Variants in ZNF652 observed in about 807,000 individuals in gnomAD.
ZNF652 encodes zinc finger protein 652.
A neutral mutation model predicts 45.2 loss-of-function variants in ZNF652; 16 were observed. The observed-to-expected ratio is 0.35, with a 90% CI of 0.24 to 0.54. The LOEUF is 0.54. ZNF652 is among the 20% of genes least tolerant of loss of function. The pLI is 0.91. For synonymous variants in ZNF652, 250 were observed against 260.6 expected (o/e 0.96, Z 0.39); for missense variants, 614 against 765.6 (o/e 0.80, Z 2.34).
At chr17:49,336,025 CTT>C (rs57525059) in intron 1 of ZNF652, among the ~76,000 whole-genome samples, 1 of 146,716 alleles carries the variant, frequency 6.8e-6, no homozygotes. Flanking sequence ...GTTACCTTTA[CTT>C]TTTTTTTTTT....
chr17:49,320,935 C>T (rs770540391), intron 1 of ZNF652, among the ~76,000 whole-genome samples: 2 of 152,130 alleles, frequency 1.3e-5, no homozygotes, highest in South Asian at 2.1e-4. Context: ...ACTGCAACCA[C>T]GCCTCTTGGG....
At chr17:49,355,823 G>A (rs57080166) in intron 1 of ZNF652, among the ~76,000 whole-genome samples, 2,469 of 152,056 alleles carry the variant, frequency 0.016, 59 homozygotes, top group African/African-American at 0.057. Flanking sequence ...GCCTGAACCC[G>A]GGAGGCGGAG....
At chr17:49,310,177 T>C (rs762849952) in intron 5 of ZNF652, among the ~76,000 whole-genome samples, 127 of 152,152 alleles carry the variant, frequency 8.3e-4, no homozygotes, top group Non-Finnish European at 1.7e-3. Context: ...ATGGTCTCGA[T>C]CTCCTGACCT....
At position 49,324,330 on chromosome 17, in the gene ZNF652, T is replaced by C. The variant is rs149469395; in HGVS notation, c.-258-6347A>G. 1.2e-3 allele frequency among the ~76,000 whole-genome samples: 185 copies of C among 152,366 alleles called. 1 individual carries two copies. The highest frequency in any genetic ancestry group is 2.7e-3 in the South Asian group (13 of 4,830). On this transcript the variant is annotated intron_variant, in intron 1 of 5. Transcript: ENST00000430262. ...GGCCTAAAGGAATGTTGTGTTTGGC[T>C]TGATCTTCCATCCAGACCACTAAAC...
At chr17:49,314,825 T>C (rs1225428102) in intron 2 of ZNF652, among the ~76,000 whole-genome samples, 1 of 152,108 alleles carries the variant, frequency 6.6e-6, no homozygotes, top group East Asian at 1.9e-4. Context: ...GGTTGGAAAA[T>C]GCTCTAGAAA....
intron 1 of ZNF652, among the ~76,000 whole-genome samples, chr17:49,336,942 GTTT>G (rs200178711): frequency 0.24 from 28,054 of 115,086 alleles, 3,442 homozygotes; most frequent in South Asian, 0.34. Context: ...TCTTAATGGT[GTTT>G]TTTTTTTTTT....
At chr17:49,331,124 T>TC (rs1381008448) in intron 1 of ZNF652, among the ~76,000 whole-genome samples, 1 of 146,298 alleles carries the variant, frequency 6.8e-6, no homozygotes, top group Non-Finnish European at 1.5e-5. Context: ...AATGTGTCTT[T>TC]TTTTTTTTTT....
At position 49,296,605 on chromosome 17, in the gene ZNF652, C is replaced by T. The variant is rs1218511031; in HGVS notation, c.*1808G>A. ...AATGGACTGGGCATGGTAGCATGCA[C>T]CTGTAGTCCCAGCTACTTGGTTAGC... On this transcript the variant is annotated 3_prime_UTR_variant, in exon 6 of 6. Coordinates refer to ENST00000430262, the MANE Select transcript of ZNF652 (RefSeq NM_001145365.3). 1 of 152,042 alleles carries T rather than the reference C, an allele frequency of 6.6e-6. No homozygotes were observed. The highest frequency in any genetic ancestry group is 1.5e-5 in the Non-Finnish European group (1 of 68,004). 9.4% of individuals were successfully genotyped at this position (152,042 alleles called of 1,614,324 possible). A position where few individuals can be genotyped will look rare whatever the true frequency, so the allele number is the denominator to read the frequency against.
intron 5 of ZNF652, among the ~76,000 whole-genome samples, chr17:49,311,033 C>CAATTTCAGGAGTTTCTGAACCCCACGTA (rs1598290221): frequency 1.3e-5 from 2 of 152,202 alleles, no homozygotes; most frequent in East Asian, 3.9e-4. Context: ...AAGTTTCATA[C>CAATTTCAGGAGTTTCTGAACCCCACGTA]AATTTCAGGA....
In ZNF652 at chr17:49,311,376, G is replaced by A. The variant is rs201250378; in HGVS notation, c.1245C>T (p.Cys415=). The change falls in exon 5 of 6, where the codon TGC becomes TGT. Residue 415 remains cysteine (C), a synonymous_variant. Transcript: ENST00000430262. Reference sequence around the variant, plus strand: ...TGTTGAAATCCTTGCCACACCACTGGCACATGAACTGTTTGTGCCCAATAT... The same window carrying A: ...TGTTGAAATCCTTGCCACACCACTGACACATGAACTGTTTGTGCCCAATAT... ...SIHIGHKQFM[C]QWCGKDFNMK... 15 of 1,613,992 alleles carry A rather than the reference G, an allele frequency of 9.3e-6. No homozygotes were observed. The Admixed American group carries it at 2.0e-4, about 22-fold the overall frequency.
intron 1 of ZNF652, among the ~76,000 whole-genome samples, chr17:49,328,505 G>A (rs2069990754): frequency 6.6e-6 from 1 of 152,102 alleles, no homozygotes; most frequent in South Asian, 2.1e-4. Flanking sequence ...TGGGTCATGG[G>A]GGCAGATCCC....
intron 1 of ZNF652, among the ~76,000 whole-genome samples, chr17:49,360,780 A>G (rs903262914): frequency 1.3e-5 from 2 of 152,212 alleles, no homozygotes; most frequent in African/African-American, 4.8e-5. Flanking sequence ...TTTCCTGAAT[A>G]CTACCCTACG....
intron 1 of ZNF652, among the ~76,000 whole-genome samples, chr17:49,322,128 TAAAA>T (rs2069900686): frequency 6.6e-6 from 1 of 152,210 alleles, no homozygotes; most frequent in African/African-American, 2.4e-5. Flanking sequence ...TGGTACTCAA[TAAAA>T]TAGCTTTTCT....
chr17:49,346,627 T>G (rs1409904911), intron 1 of ZNF652, among the ~76,000 whole-genome samples: 1 of 152,224 alleles, frequency 6.6e-6, no homozygotes, highest in Non-Finnish European at 1.5e-5. Context: ...ATCTTTAGCT[T>G]CAAACTTATT....
Position 49,295,268 on chromosome 17 carries a change from A to G in ZNF652, c.*3145T>C, listed in dbSNP as rs2069456994. On this transcript the variant is annotated 3_prime_UTR_variant, in exon 6 of 6. Coordinates refer to ENST00000430262, the MANE Select transcript of ZNF652 (RefSeq NM_001145365.3). ...TACAATATGATACTGATGAGGAGTCATTATATTCTGAGTAGTTTTCCTGAA... is the reference window on the plus strand; with the variant it reads ...TACAATATGATACTGATGAGGAGTCGTTATATTCTGAGTAGTTTTCCTGAA... The G allele has an allele frequency of 6.6e-6, 1 of 151,984 alleles. No homozygotes were observed. The highest frequency in any genetic ancestry group is 2.4e-5 in the African/African-American group (1 of 41,424). 9.4% of individuals were successfully genotyped at this position (151,984 alleles called of 1,614,324 possible).
At chr17:49,345,668 T>C (rs947982877) in intron 1 of ZNF652, among the ~76,000 whole-genome samples, 12 of 150,116 alleles carry the variant, frequency 8.0e-5, no homozygotes, top group African/African-American at 2.7e-4. Flanking sequence ...GGTGAATCCC[T>C]GTCTCTACTA....
At chr17:49,331,792 C>T (rs922114766) in intron 1 of ZNF652, among the ~76,000 whole-genome samples, 2 of 152,064 alleles carry the variant, frequency 1.3e-5, no homozygotes, top group Non-Finnish European at 2.9e-5. Flanking sequence ...TTTTTTGACA[C>T]TTCAAAAATT....
intron 5 of ZNF652, 56 bp from the exon 6 acceptor site, chr17:49,298,980 C>G: frequency 6.7e-7 from 1 of 1,491,514 alleles, no homozygotes; most frequent in South Asian, 1.3e-5. Flanking sequence ...ATTGTGTGCT[C>G]AAGCTTTTTT....
At chr17:49,303,899 T>C (rs2069589236) in intron 5 of ZNF652, among the ~76,000 whole-genome samples, 1 of 151,852 alleles carries the variant, frequency 6.6e-6, no homozygotes, top group Non-Finnish European at 1.5e-5. Flanking sequence ...TTTTTTTTGT[T>C]TTTTCCTGAG....
Sources: allele counts gnomAD v4.1 joint callset (sites outside exome capture counted in the v4.1 genomes callset), GRCh38; gene constraint gnomAD v4.1.1; transcripts MANE v1.5; gene names NCBI Gene and HGNC (gene_info 2026-07-23, HGNC 2026-07-21).